TNNI3K: variants seen among roughly 807,000 people sequenced by gnomAD.
The protein encoded by TNNI3K is TNNI3 interacting kinase, also known as serine/threonine-protein kinase TNNI3K.
In TNNI3K, 140 loss-of-function variants were observed where a neutral mutation model predicts 114.5. The ratio of observed to expected loss-of-function variants is 1.22; its 90% CI spans 1.07 to 1.41. The LOEUF (loss-of-function observed/expected upper bound fraction) is 1.41, where lower values mean the gene tolerates loss of function less well. Ranked by LOEUF, TNNI3K falls within the 40% of genes most tolerant of loss-of-function variation. The pLI is 0.00. For synonymous variants in TNNI3K, 347 were observed against 347.5 expected (o/e 1.00, Z 0.02); for missense variants, 1,125 against 1,007.6 (o/e 1.12, Z -1.58).
rs527600057 is a variant in TNNI3K at position 74,473,158 on chromosome 1, C to T, written c.2121+9608C>T. Among the ~76,000 whole-genome samples the T allele has an allele frequency of 2.1e-4, 32 of 152,262 alleles. No homozygotes were observed. In the East Asian group the frequency reaches 6.2e-3, roughly 29 times the overall value. ...CACATGCTAAGAGCTAGGCATTGTG[C>T]TCATAATGTACGTTCATCATCTCTT... is the stretch of plus-strand genomic sequence containing the variant. On this transcript the variant is annotated intron_variant, in intron 21 of 24. Coordinates refer to ENST00000326637, the MANE Select transcript of TNNI3K (RefSeq NM_015978.3).
intron 5 of TNNI3K, among the ~76,000 whole-genome samples, chr1:74,301,756 A>AG (rs1485870286): frequency 6.6e-6 from 1 of 152,150 alleles, no homozygotes; most frequent in African/African-American, 2.4e-5. Flanking sequence ...TCAATGAAGG[A>AG]GGGGTGCACT....
chr1:74,405,269 G>A (rs1331731253), intron 17 of TNNI3K, among the ~76,000 whole-genome samples: 1 of 152,136 alleles, frequency 6.6e-6, no homozygotes, highest in Non-Finnish European at 1.5e-5. Flanking sequence ...GTATCTCAGT[G>A]TGATTGATCA....
intron 23 of TNNI3K, among the ~76,000 whole-genome samples, chr1:74,511,372 T>C (rs1557617945): frequency 6.6e-6 from 1 of 152,156 alleles, no homozygotes; most frequent in Non-Finnish European, 1.5e-5. Flanking sequence ...TTTGTATTTT[T>C]AGTAGAGATA....
intron 17 of TNNI3K, among the ~76,000 whole-genome samples, chr1:74,402,489 A>T (rs1664415822): frequency 1.3e-5 from 2 of 152,214 alleles, no homozygotes; most frequent in African/African-American, 4.8e-5. Flanking sequence ...AGTTGAATCA[A>T]AACTCGAATG....
intron 17 of TNNI3K, among the ~76,000 whole-genome samples, chr1:74,393,274 G>GA (rs1340962544): frequency 1.5e-3 from 130 of 88,286 alleles, no homozygotes; most frequent in African/African-American, 3.2e-3. Context: ...AAGCATTCTG[G>GA]ACAAAAAAAA....
chr1:74,291,999 T>C (rs1657706899), intron 5 of TNNI3K, among the ~76,000 whole-genome samples: 1 of 151,562 alleles, frequency 6.6e-6, no homozygotes, highest in Non-Finnish European at 1.5e-5. Flanking sequence ...TCTGTTCATT[T>C]ATCTACTTAT....
rs1478508282 is a variant in TNNI3K, at chr1:74,531,557, T to A, written c.2352-8677T>A. Among the ~76,000 whole-genome samples the A allele has an allele frequency of 2.0e-5, 3 of 152,302 alleles. No individual in the cohort carries two copies. In the East Asian group the frequency reaches 5.8e-4, roughly 29 times the overall value. On this transcript the variant is annotated intron_variant, in intron 23 of 24. Transcript: ENST00000326637. ...GACAGATCTGTTTTAAATAGATCTG[T>A]TTTCAGCTAAATGCCAAAAGGATGA...
At chr1:74,309,910 G>A (rs1315419414) in intron 5 of TNNI3K, among the ~76,000 whole-genome samples, 1 of 152,096 alleles carries the variant, frequency 6.6e-6, no homozygotes, top group Non-Finnish European at 1.5e-5. Context: ...AAACAAGAAT[G>A]TCTATTCTCA....
intron 9 of TNNI3K, among the ~76,000 whole-genome samples, chr1:74,344,507 G>A (rs45469097): frequency 1.3e-3 from 202 of 152,304 alleles, no homozygotes; most frequent in African/African-American, 4.7e-3. Context: ...CAGAACAGAT[G>A]CAAGAACTCC....
intron 5 of TNNI3K, among the ~76,000 whole-genome samples, chr1:74,276,297 G>A (rs1391398738): frequency 6.6e-6 from 1 of 152,046 alleles, no homozygotes; most frequent in East Asian, 1.9e-4. Context: ...CATAATAACA[G>A]CTTAAAGTTG....
intron 17 of TNNI3K, among the ~76,000 whole-genome samples, chr1:74,419,585 C>A (rs1241500874): frequency 2.0e-5 from 3 of 151,938 alleles, no homozygotes; most frequent in Non-Finnish European, 4.4e-5. Context: ...GATGTGTGTA[C>A]ATTGTGTAAG....
Position 74,492,107 on chromosome 1 carries a change from C to A in TNNI3K, c.2192C>A (p.Pro731His). The A allele has an allele frequency of 6.2e-7, 1 of 1,605,424 alleles. No homozygotes were observed. Among genetic ancestry groups the A allele is most frequent in the Non-Finnish European group, 8.5e-7 (1 of 1,174,036 alleles). Residue 731 changes from proline to histidine, a missense_variant, in exon 23 of 25, where the codon CCT becomes CAT. Physicochemically the swap from Pro to His is moderately conservative, Grantham distance 77. Transcript: ENST00000326637. The part of the protein sequence containing the change: ...ECLCNIELMS[P>H]ASSNSSGSLS... ...CCCTCCTCCACTCAGCTGATGTCTC[C>A]TGCATCAAGTAACAGCAGTGGGTCT...
At chr1:74,447,823 C>T (rs1381883334) in intron 20 of TNNI3K, among the ~76,000 whole-genome samples, 1 of 2,478 alleles carries the variant, frequency 4.0e-4, no homozygotes, top group East Asian at 5.7e-3. Flanking sequence ...ATGTTTATTG[C>T]GGCACTATTC....
intron 4 of TNNI3K, among the ~76,000 whole-genome samples, chr1:74,257,031 T>C (rs1655357678): frequency 6.6e-6 from 1 of 152,178 alleles, no homozygotes; most frequent in Admixed American, 6.5e-5. Flanking sequence ...TGTTAGATTG[T>C]TTGATAATTT....
At chr1:74,390,752 T>C (rs1357929163) in intron 17 of TNNI3K, among the ~76,000 whole-genome samples, 1 of 152,096 alleles carries the variant, frequency 6.6e-6, no homozygotes, top group Non-Finnish European at 1.5e-5. Flanking sequence ...GTAAAATGTA[T>C]AGATGTGAGA....
chr1:74,517,298 C>T (rs778562377), intron 23 of TNNI3K, among the ~76,000 whole-genome samples: 1 of 152,110 alleles, frequency 6.6e-6, no homozygotes, highest in Non-Finnish European at 1.5e-5. Flanking sequence ...GCCTCATTAA[C>T]GTTCATTAGA....
At chr1:74,365,050 A>G (rs1337892761) in intron 11 of TNNI3K, among the ~76,000 whole-genome samples, 2 of 152,094 alleles carry the variant, frequency 1.3e-5, no homozygotes, top group African/African-American at 4.8e-5. Context: ...TCCAAAAAGG[A>G]GTTTCCAAGT....
intron 4 of TNNI3K, among the ~76,000 whole-genome samples, chr1:74,257,470 A>T (rs1177402105): frequency 6.6e-6 from 1 of 152,038 alleles, no homozygotes; most frequent in Non-Finnish European, 1.5e-5. Flanking sequence ...GAAATTATGT[A>T]TTATGTGTTA....
chr1:74,256,283 C>CTTTTTTTTTTTTTT (rs61636791), intron 4 of TNNI3K, among the ~76,000 whole-genome samples: 37 of 42,782 alleles, frequency 8.6e-4, no homozygotes, highest in Non-Finnish European at 1.1e-3. Flanking sequence ...TGTGGTCAGT[C>CTTTTTTTTTTTTTT]TTTTTTTTTT....
Sources: gnomAD v4.1 joint callset for allele counts (sites outside exome capture counted in the v4.1 genomes callset) on GRCh38, gnomAD v4.1.1 for gene constraint, MANE v1.5 for transcripts, NCBI Gene and HGNC (gene_info 2026-07-23, HGNC 2026-07-21) for gene names.